CHRM2: variants seen among roughly 807,000 people sequenced by gnomAD.
CHRM2 encodes the protein muscarinic acetylcholine receptor M2.
Under a neutral mutation model 25.0 loss-of-function variants are expected in CHRM2, and 8 were observed. The observed-to-expected ratio is 0.32, with a 90% CI of 0.19 to 0.58. CHRM2 has a LOEUF of 0.58. Among genes scored for constraint, CHRM2 ranks in the 20% least tolerant of loss-of-function variants. CHRM2 has a pLI of 0.88. For synonymous variants in CHRM2, 202 were observed against 205.7 expected, an observed-to-expected ratio of 0.98 and a Z score of 0.15; for missense variants, 440 against 567.1, an observed-to-expected ratio of 0.78 and a Z score of 2.28.
chr7:136,996,570 T>G (rs974936660), intron 3 of CHRM2, among the ~76,000 whole-genome samples: 1 of 152,160 alleles, frequency 6.6e-6, no homozygotes, highest in African/African-American at 2.4e-5. Context: ...TTATAGGAAT[T>G]TATCCTAAGA....
At chr7:136,973,327 ATGG>A in intron 2 of CHRM2, among the ~76,000 whole-genome samples, 2 of 113,188 alleles carry the variant, frequency 1.8e-5, no homozygotes, top group Non-Finnish European at 1.8e-5. Context: ...GTGGCAGGTG[ATGG>A]TGACGGTGTT....
chr7:136,915,100 C>A (rs922228505), intron 2 of CHRM2, among the ~76,000 whole-genome samples: 3 of 151,776 alleles, frequency 2.0e-5, no homozygotes, highest in African/African-American at 7.3e-5. Flanking sequence ...CAGGCTTCTA[C>A]TGTAATGCTG....
chr7:136,887,739 TAAAG>T (rs1796522575), intron 2 of CHRM2, among the ~76,000 whole-genome samples: 1 of 152,200 alleles, frequency 6.6e-6, no homozygotes, highest in African/African-American at 2.4e-5. Flanking sequence ...GAAAAGGAGA[TAAAG>T]AAATTTCTGC....
At chr7:136,962,888 T>C (rs946230427) in intron 2 of CHRM2, among the ~76,000 whole-genome samples, 4 of 152,196 alleles carry the variant, frequency 2.6e-5, no homozygotes, top group Admixed American at 2.0e-4. Flanking sequence ...GCTTAAAATA[T>C]GTTCTACACT....
intron 2 of CHRM2, among the ~76,000 whole-genome samples, chr7:136,897,109 T>C (rs1584713420): frequency 7.3e-6 from 1 of 136,290 alleles, no homozygotes; most frequent in South Asian, 2.3e-4. Flanking sequence ...ATATGTGTGG[T>C]GGTGGTGGTA....
rs184426090 is a variant in CHRM2, at chr7:136,880,754, T to C, written c.-125+11336T>C. On this transcript the variant is annotated intron_variant, in intron 2 of 3. Coordinates refer to ENST00000680005, the MANE Select transcript of CHRM2 (RefSeq NM_001006630.2). ...CCACTATCAACCTCCCCCACCAGAG[T>C]GATACATTTGTTTCAATTGATGAAC... 2.6e-4 allele frequency among the ~76,000 whole-genome samples: 40 copies of C among 151,794 alleles called. No homozygotes were observed. In the East Asian group the frequency reaches 7.4e-3, roughly 28 times the overall value.
chr7:136,891,011 CTT>C (rs1370768379), intron 2 of CHRM2, among the ~76,000 whole-genome samples: 1 of 152,154 alleles, frequency 6.6e-6, no homozygotes, highest in Admixed American at 6.6e-5. Context: ...AGTTCAGAAA[CTT>C]TGCATTTATG....
At chr7:136,935,463 A>G (rs1799360097) in intron 2 of CHRM2, among the ~76,000 whole-genome samples, 1 of 152,144 alleles carries the variant, frequency 6.6e-6, no homozygotes, top group Non-Finnish European at 1.5e-5. Context: ...AGACAACTAA[A>G]AATCTAATGA....
chr7:136,986,781 G>C (rs904298097), intron 2 of CHRM2, among the ~76,000 whole-genome samples: 2 of 152,096 alleles, frequency 1.3e-5, no homozygotes, highest in Non-Finnish European at 2.9e-5. Flanking sequence ...AAACATATAA[G>C]TTACCCAGGC....
At chr7:136,925,238 C>T (rs1798675139) in intron 2 of CHRM2, among the ~76,000 whole-genome samples, 1 of 152,062 alleles carries the variant, frequency 6.6e-6, no homozygotes, top group East Asian at 1.9e-4. Context: ...TTATGTTGGC[C>T]TTATCATAGC....
intron 2 of CHRM2, among the ~76,000 whole-genome samples, chr7:136,957,464 A>G (rs576015896): frequency 3.3e-5 from 5 of 152,354 alleles, no homozygotes; most frequent in African/African-American, 1.2e-4. Flanking sequence ...ACAAACACAT[A>G]AACCCACAAA....
chr7:136,952,381 T>C (rs1329155309), intron 2 of CHRM2, among the ~76,000 whole-genome samples: 1 of 152,172 alleles, frequency 6.6e-6, no homozygotes, highest in Admixed American at 6.6e-5. Context: ...TATAGACTTA[T>C]TTAAAGCGTA....
At chr7:136,891,291 T>C (rs1319552882) in intron 2 of CHRM2, among the ~76,000 whole-genome samples, 2 of 152,212 alleles carry the variant, frequency 1.3e-5, no homozygotes, top group African/African-American at 2.4e-5. Context: ...GCCATGTCTC[T>C]TTCCTGAGGC....
At position 137,016,271 on chromosome 7, in the gene CHRM2, T is replaced by C. The variant is rs770808490; in HGVS notation, c.*5T>C. The C allele has an allele frequency of 2.5e-6, 4 of 1,612,190 alleles. No individual in the cohort carries two copies. Among genetic ancestry groups the C allele is most frequent in the Admixed American group, 3.3e-5 (2 of 59,894 alleles). On this transcript the variant is annotated 3_prime_UTR_variant, in exon 4 of 4. Transcript: ENST00000680005. Reference sequence around the variant, plus strand: ...AACATAGGCGCTACAAGGTAAAATATCTTTGAAAAAGATAGAAGGTGGGCA... The same window carrying C: ...AACATAGGCGCTACAAGGTAAAATACCTTTGAAAAAGATAGAAGGTGGGCA...
At chr7:137,002,130 TTTG>T (rs1433972461) in intron 3 of CHRM2, among the ~76,000 whole-genome samples, 3 of 152,076 alleles carry the variant, frequency 2.0e-5, no homozygotes, top group Non-Finnish European at 4.4e-5. Context: ...TTTCTGGTTT[TTTG>T]TTTTGTTTTG....
At chr7:136,959,805 G>A (rs574679488) in intron 2 of CHRM2, among the ~76,000 whole-genome samples, 1 of 152,130 alleles carries the variant, frequency 6.6e-6, no homozygotes, top group South Asian at 2.1e-4. Context: ...CAGCTACTCG[G>A]GAGGCTAAGG....
At chr7:137,011,048 G>A (rs1804771149) in intron 3 of CHRM2, among the ~76,000 whole-genome samples, 1 of 151,872 alleles carries the variant, frequency 6.6e-6, no homozygotes, top group South Asian at 2.1e-4. Context: ...CACGTTAAGG[G>A]AATGATAGAA....
chr7:136,920,526 A>T (rs1423365563), intron 2 of CHRM2, among the ~76,000 whole-genome samples: 1 of 152,058 alleles, frequency 6.6e-6, no homozygotes, highest in East Asian at 1.9e-4. Flanking sequence ...TGCAGCTTAG[A>T]ACATCTCTGG....
intron 2 of CHRM2, among the ~76,000 whole-genome samples, chr7:136,925,719 A>G (rs552000892): frequency 8.5e-5 from 13 of 152,230 alleles, no homozygotes; most frequent in African/African-American, 2.9e-4. Context: ...TTTAGCTAAA[A>G]CAGCTCTTGA....
Sources: allele counts gnomAD v4.1 joint callset (sites outside exome capture counted in the v4.1 genomes callset), GRCh38; gene constraint gnomAD v4.1.1; transcripts MANE v1.5; gene names NCBI Gene and HGNC (gene_info 2026-07-23, HGNC 2026-07-21).